MLIP: variants seen among roughly 807,000 people sequenced by gnomAD.
The protein encoded by MLIP is muscular LMNA-interacting protein.
A neutral mutation model predicts 84.8 loss-of-function variants in MLIP; 79 were observed. The ratio of observed to expected loss-of-function variants is 0.93; its 90% confidence interval spans 0.78 to 1.12. The LOEUF (loss-of-function observed/expected upper bound fraction) is 1.12, where lower values mean the gene tolerates loss of function less well. Ranked by LOEUF, MLIP falls within the 50% of genes most tolerant of loss-of-function variation. The probability of loss-of-function intolerance (pLI) is 0.00; values close to 1 mark genes in which losing one functional copy is unlikely to be tolerated. For synonymous variants in MLIP, 504 were observed against 463.0 expected (o/e 1.09, Z -1.14); for missense variants, 1,257 against 1,160.6 (o/e 1.08, Z -1.21).
At chr6:54,258,859 C>T (rs1783197830) in intron 13 of MLIP, among the ~76,000 whole-genome samples, 1 of 151,980 alleles carries the variant, frequency 6.6e-6, no homozygotes, top group Non-Finnish European at 1.5e-5. Flanking sequence ...CCAAATCTGA[C>T]AGCCTGCAGT....
At chr6:54,229,002 TCCATTAAAGCTACCC>T (rs1444646088) in intron 11 of MLIP, among the ~76,000 whole-genome samples, 1 of 152,254 alleles carries the variant, frequency 6.6e-6, no homozygotes, top group African/African-American at 2.4e-5. Context: ...CTGCATATGT[TCCATTAAAGCTACCC>T]ACTGACATGG....
At chr6:54,194,665 T>C (rs1448455022) in intron 10 of MLIP, among the ~76,000 whole-genome samples, 1 of 152,098 alleles carries the variant, frequency 6.6e-6, no homozygotes, top group African/African-American at 2.4e-5. Context: ...TACTTTCAAA[T>C]TTATTTTATG....
intron 2 of MLIP, 116 bp from the exon 3 acceptor site, chr6:54,124,357 C>A: frequency 1.0e-6 from 1 of 971,368 alleles, no homozygotes; most frequent in Admixed American, 3.0e-5. Context: ...CTTATGTCAA[C>A]CTAATTTAAT....
chr6:54,116,944 A>T (rs1769974253), intron 1 of MLIP, among the ~76,000 whole-genome samples: 1 of 152,242 alleles, frequency 6.6e-6, no homozygotes, highest in Non-Finnish European at 1.5e-5. Flanking sequence ...TCAACAAAAT[A>T]TGCAAATCCA....
chr6:54,193,929 C>G (rs1316430924), intron 10 of MLIP, among the ~76,000 whole-genome samples: 1 of 152,214 alleles, frequency 6.6e-6, no homozygotes, highest in Non-Finnish European at 1.5e-5. Context: ...GGTAGCTAAA[C>G]CCTGGTCTTC....
At chr6:54,232,100 T>A (rs1781045390) in intron 12 of MLIP, among the ~76,000 whole-genome samples, 2 of 152,142 alleles carry the variant, frequency 1.3e-5, no homozygotes, top group Admixed American at 1.3e-4. Context: ...AATAAGTATA[T>A]GAGAGAAAAT....
chr6:54,152,020 T>C (rs1481520917), intron 5 of MLIP, among the ~76,000 whole-genome samples: 3 of 152,158 alleles, frequency 2.0e-5, no homozygotes, highest in Non-Finnish European at 4.4e-5. Flanking sequence ...AATTTAAATT[T>C]ATATCTTATT....
At chr6:54,242,350 C>T (rs547897402) in intron 12 of MLIP, among the ~76,000 whole-genome samples, 6 of 152,190 alleles carry the variant, frequency 3.9e-5, no homozygotes, top group East Asian at 1.9e-4. Flanking sequence ...ACGTGTGTAA[C>T]GTTTATATTG....
At chr6:54,021,433 T>C (rs991653298) in intron 1 of MLIP, among the ~76,000 whole-genome samples, 5 of 152,274 alleles carry the variant, frequency 3.3e-5, no homozygotes, top group African/African-American at 7.2e-5. Flanking sequence ...ATATGTATTA[T>C]TGGGTTTATT....
chr6:54,022,151 C>A (rs1047582026), intron 1 of MLIP, among the ~76,000 whole-genome samples: 1 of 152,104 alleles, frequency 6.6e-6, no homozygotes, highest in Admixed American at 6.6e-5. Context: ...AAATGCTTCC[C>A]AAAATGTAGT....
chr6:54,086,034 A>G (rs1200620805), intron 1 of MLIP, among the ~76,000 whole-genome samples: 1 of 152,150 alleles, frequency 6.6e-6, no homozygotes, highest in Non-Finnish European at 1.5e-5. Context: ...GCTCAGATTT[A>G]TGTGTCGTAT....
intron 8 of MLIP, among the ~76,000 whole-genome samples, chr6:54,164,282 C>T (rs1774959342): frequency 6.6e-6 from 1 of 151,876 alleles, no homozygotes. Context: ...GATTTTGTCA[C>T]TTTTGATTCT....
At chr6:54,226,978 A>G (rs1459649279) in intron 11 of MLIP, among the ~76,000 whole-genome samples, 7 of 152,082 alleles carry the variant, frequency 4.6e-5, no homozygotes, top group African/African-American at 1.7e-4. Context: ...TCCCCACCCA[A>G]ATCTCTTGTT....
chr6:54,195,680 T>A (rs960628711), intron 10 of MLIP, among the ~76,000 whole-genome samples: 1 of 152,118 alleles, frequency 6.6e-6, no homozygotes, highest in Non-Finnish European at 1.5e-5. Context: ...ATAGCAGGCT[T>A]AGACGAGTGT....
chr6:54,085,609 A>T (rs1048130093), intron 1 of MLIP, among the ~76,000 whole-genome samples: 5 of 152,144 alleles, frequency 3.3e-5, no homozygotes, highest in African/African-American at 1.2e-4. Flanking sequence ...AATCAGTGAG[A>T]TTAAAGGGTG....
At chr6:54,056,634 A>G (rs934890648) in intron 1 of MLIP, among the ~76,000 whole-genome samples, 2 of 152,164 alleles carry the variant, frequency 1.3e-5, no homozygotes, top group Non-Finnish European at 2.9e-5. Context: ...CCAATCTTCT[A>G]TATGCAGAAA....
At chr6:54,246,769 G>A (rs370112087) in intron 12 of MLIP, among the ~76,000 whole-genome samples, 14 of 152,124 alleles carry the variant, frequency 9.2e-5, no homozygotes, top group East Asian at 7.7e-4. Context: ...GTCTGTATTC[G>A]TATTTATATC....
chr6:54,027,385 A>G (rs1167463881), intron 1 of MLIP, among the ~76,000 whole-genome samples: 2 of 3,652 alleles, frequency 5.5e-4, no homozygotes, highest in East Asian at 0.019. Context: ...ACACACACAC[A>G]CACACACACA....
chr6:54,054,430 C>A (rs368277739), intron 1 of MLIP, among the ~76,000 whole-genome samples: 514 of 130,924 alleles, frequency 3.9e-3, no homozygotes, highest in African/African-American at 8.3e-3. Context: ...GAAAAAAAGG[C>A]AAAAAAAAAA....
Sources: gnomAD v4.1 joint callset for allele counts (sites outside exome capture counted in the v4.1 genomes callset) on GRCh38, gnomAD v4.1.1 for gene constraint, MANE v1.5 for transcripts, NCBI Gene and HGNC (gene_info 2026-07-23, HGNC 2026-07-21) for gene names.